Variants in SLC25A13 observed in about 807,000 individuals in gnomAD.
SLC25A13 encodes the protein electrogenic aspartate/glutamate antiporter SLC25A13, mitochondrial.
Under a neutral mutation model 85.5 loss-of-function variants are expected in SLC25A13, and 70 were observed. The observed-to-expected ratio is 0.82, with a 90% CI of 0.68 to 1.00. The LOEUF (loss-of-function observed/expected upper bound fraction) is 1.00, where lower values mean the gene tolerates loss of function less well. Among genes scored for constraint, SLC25A13 ranks in the 50% least tolerant of loss-of-function variants. The pLI is 0.00. For synonymous variants in SLC25A13, 259 were observed against 288.7 expected (o/e 0.90, Z 1.04); for missense variants, 765 against 819.8 (o/e 0.93, Z 0.82).
At chr7:96,193,517 T>C (rs1794941955) in intron 5 of SLC25A13, among the ~76,000 whole-genome samples, 1 of 152,210 alleles carries the variant, frequency 6.6e-6, no homozygotes, top group East Asian at 1.9e-4. Flanking sequence ...AACCCCAGCT[T>C]AGGTGATGCA....
At chr7:96,263,711 C>T (rs1417225907) in intron 3 of SLC25A13, among the ~76,000 whole-genome samples, 1 of 152,098 alleles carries the variant, frequency 6.6e-6, no homozygotes, top group Non-Finnish European at 1.5e-5. Context: ...TTTCAACATA[C>T]TTATCCTTCA....
chr7:96,230,836 T>C (rs1192206808), intron 4 of SLC25A13, among the ~76,000 whole-genome samples: 1 of 152,176 alleles, frequency 6.6e-6, no homozygotes, highest in Non-Finnish European at 1.5e-5. Flanking sequence ...TGGCCAGACA[T>C]GACGGTTCAC....
chr7:96,189,508 C>T, intron 8 of SLC25A13, 73 bp downstream of exon 8: 4 of 1,541,814 alleles, frequency 2.6e-6, no homozygotes, highest in East Asian at 2.2e-5. Context: ...TCTTTTTCTC[C>T]TGATTGCTGC....
intron 4 of SLC25A13, among the ~76,000 whole-genome samples, chr7:96,228,909 C>A (rs1430844261): frequency 6.6e-6 from 1 of 152,174 alleles, no homozygotes; most frequent in African/African-American, 2.4e-5. Context: ...ACCCACGCTG[C>A]ACTCGAATTC....
chr7:96,122,113 C>G, intron 15 of SLC25A13, 116 bp from the exon 16 acceptor site: 2 of 1,382,520 alleles, frequency 1.4e-6, no homozygotes, highest in Non-Finnish European at 2.0e-6. Context: ...CAATAAAATG[C>G]CTATTTTGCT....
At position 96,184,804 on chromosome 7, in the gene SLC25A13, A is replaced by G. The variant is rs116931688; in HGVS notation, c.1018+123T>C. 1,226 of 861,742 alleles carry G rather than the reference A, an allele frequency of 1.4e-3. 19 individuals are homozygous for G. In the East Asian group the frequency reaches 0.024, roughly 17 times the overall value. The allele number at this position is 861,742 out of a possible 1,614,324, so 53.4% of individuals were successfully genotyped here. A position where few individuals can be genotyped will look rare whatever the true frequency, so the allele number is the denominator to read the frequency against. On this transcript the variant is annotated intron_variant, in intron 10 of 17. Transcript: ENST00000265631. Reference sequence around the variant, plus strand: ...CTCTTGCCCTACCTCACAGGTAGAAACTGATAACTGGCATTGGGAAAGACT... The same window carrying G: ...CTCTTGCCCTACCTCACAGGTAGAAGCTGATAACTGGCATTGGGAAAGACT...
At chr7:96,311,541 G>C (rs1423203334) in intron 1 of SLC25A13, among the ~76,000 whole-genome samples, 1 of 152,118 alleles carries the variant, frequency 6.6e-6, no homozygotes, top group Non-Finnish European at 1.5e-5. Context: ...CAACCAAAAA[G>C]GGGGCAGGAA....
intron 3 of SLC25A13, among the ~76,000 whole-genome samples, chr7:96,271,133 AT>A (rs1235322908): frequency 2.0e-5 from 3 of 152,230 alleles, no homozygotes; most frequent in Admixed American, 6.5e-5. Flanking sequence ...GGGATTAGGA[AT>A]AGATCTCTTT....
chr7:96,189,201 A>G, intron 9 of SLC25A13, 93 bp downstream of exon 9: 1 of 1,046,288 alleles, frequency 9.6e-7, no homozygotes, highest in Non-Finnish European at 1.5e-6. Flanking sequence ...GTTAAGTCAG[A>G]TACCAATGCC....
chr7:96,297,021 A>G, intron 1 of SLC25A13, 70 bp from the exon 2 acceptor site: 3 of 1,349,558 alleles, frequency 2.2e-6, no homozygotes, highest in Non-Finnish European at 3.2e-6. Flanking sequence ...CGACTAAAGG[A>G]AAATAAATCT....
chr7:96,170,776 A>G (rs1356950208), intron 12 of SLC25A13, among the ~76,000 whole-genome samples: 1 of 152,240 alleles, frequency 6.6e-6, no homozygotes, highest in Non-Finnish European at 1.5e-5. Context: ...TCAGGCTCCA[A>G]AGCTACGCAG....
intron 3 of SLC25A13, among the ~76,000 whole-genome samples, chr7:96,247,696 A>T (rs1165623158): frequency 2.0e-5 from 3 of 152,114 alleles, no homozygotes; most frequent in Non-Finnish European, 4.4e-5. Flanking sequence ...ATTATCTAAA[A>T]TTTTTTTACA....
At chr7:96,128,919 C>T (rs934391996) in intron 15 of SLC25A13, among the ~76,000 whole-genome samples, 2 of 144,044 alleles carry the variant, frequency 1.4e-5, no homozygotes, top group African/African-American at 5.1e-5. Context: ...ATAGAAGACA[C>T]TGCAGCTTCT....
At chr7:96,241,325 A>G (rs572669507) in intron 3 of SLC25A13, among the ~76,000 whole-genome samples, 43 of 152,338 alleles carry the variant, frequency 2.8e-4, no homozygotes, top group African/African-American at 9.6e-4. Flanking sequence ...AATAATTCAT[A>G]AATGCGTGCA....
intron 1 of SLC25A13, among the ~76,000 whole-genome samples, chr7:96,319,539 TCA>T (rs1491256150): frequency 3.5e-4 from 11 of 31,150 alleles, no homozygotes; most frequent in African/African-American, 1.2e-3. Context: ...AGACTCCATC[TCA>T]AAAAAAAAAA....
At chr7:96,243,627 A>G (rs1216617746) in intron 3 of SLC25A13, among the ~76,000 whole-genome samples, 1 of 152,072 alleles carries the variant, frequency 6.6e-6, no homozygotes, top group Non-Finnish European at 1.5e-5. Flanking sequence ...GGGTTGGGAG[A>G]TAAGGCTACT....
At chr7:96,266,583 G>A (rs549109092) in intron 3 of SLC25A13, among the ~76,000 whole-genome samples, 2 of 152,196 alleles carry the variant, frequency 1.3e-5, no homozygotes, top group South Asian at 4.1e-4. Context: ...CACCCAATCA[G>A]CAATCAACCC....
intron 2 of SLC25A13, among the ~76,000 whole-genome samples, chr7:96,287,961 T>G (rs1388132909): frequency 1.3e-5 from 2 of 152,204 alleles, no homozygotes; most frequent in Non-Finnish European, 2.9e-5. Flanking sequence ...TTTTACAATA[T>G]CAACACACCT....
chr7:96,273,493 G>C (rs1562894004), intron 3 of SLC25A13, among the ~76,000 whole-genome samples: 1 of 152,056 alleles, frequency 6.6e-6, no homozygotes, highest in South Asian at 2.1e-4. Context: ...TAGCATGGGG[G>C]GTTATGTAGG....
Sources: gnomAD v4.1 joint callset for allele counts (sites outside exome capture counted in the v4.1 genomes callset) on GRCh38, gnomAD v4.1.1 for gene constraint, MANE v1.5 for transcripts, NCBI Gene and HGNC (gene_info 2026-07-23, HGNC 2026-07-21) for gene names.